Variants in MCC observed in about 807,000 individuals in gnomAD.
MCC encodes colorectal mutant cancer protein.
MCC carries 90 observed loss-of-function variants against 116.2 expected under a neutral mutation model. That is an observed-to-expected ratio of 0.77 (90% confidence interval 0.65 to 0.92). The LOEUF (loss-of-function observed/expected upper bound fraction) is 0.92. Ranked by LOEUF, MCC falls within the 40% of genes least tolerant of loss-of-function variation. The pLI is 0.00. For synonymous variants in MCC, 578 were observed against 510.5 expected, an observed-to-expected ratio of 1.13 and a Z score of -1.78; for missense variants, 1,516 against 1,312.2, an observed-to-expected ratio of 1.16 and a Z score of -2.40.
chr5:113,482,125 C>T (rs1165987199), intron 1 of MCC, among the ~76,000 whole-genome samples: 2 of 152,116 alleles, frequency 1.3e-5, no homozygotes, highest in Non-Finnish European at 2.9e-5. Context: ...AAAAATATTC[C>T]ACTACATGGA....
chr5:113,041,239 T>C (rs1442259178), intron 17 of MCC, among the ~76,000 whole-genome samples: 1 of 152,124 alleles, frequency 6.6e-6, no homozygotes, highest in Non-Finnish European at 1.5e-5. Context: ...TTGGAGGCCA[T>C]CCTATAAACA....
chr5:113,440,614 G>C (rs985009262), intron 1 of MCC, among the ~76,000 whole-genome samples: 2 of 152,058 alleles, frequency 1.3e-5, no homozygotes, highest in Admixed American at 6.6e-5. Flanking sequence ...GGAGGGAAAG[G>C]AGGAGAGAGA....
chr5:113,248,376 G>A (rs1000039762), intron 3 of MCC, among the ~76,000 whole-genome samples: 7 of 152,076 alleles, frequency 4.6e-5, no homozygotes, highest in African/African-American at 1.7e-4. Context: ...TTAGATCATG[G>A]GCATCAAAGC....
rs1015209950 is a variant in MCC, at chr5:113,022,303, G to A, written c.*4999C>T. 2.6e-5 allele frequency: 4 copies of A among 152,622 alleles called. No individual in the cohort carries two copies. Among genetic ancestry groups the A allele is most frequent in the African/African-American group, 7.2e-5 (3 of 41,450 alleles). 9.5% of individuals were successfully genotyped at this position (152,622 alleles called of 1,614,324 possible). A position where few individuals can be genotyped will look rare whatever the true frequency, so the allele number is the denominator to read the frequency against. On this transcript the variant is annotated 3_prime_UTR_variant, in exon 19 of 19. Transcript: ENST00000408903. ...AGAATCTAAAAAATTACAAGGTATA[G>A]TACAGTGTTAAGTAGCAATTTTAAA...
Position 113,404,862 on chromosome 5 carries a change from C to T in MCC, c.171-19650G>A, listed in dbSNP as rs540747442. ...GATCAGTGCGTGTCATACAATGATA[C>T]ATACAAAAGTAGTAGTAAAATATGT... On this transcript the variant is annotated intron_variant, in intron 1 of 18. Coordinates refer to ENST00000408903, the MANE Select transcript of MCC (RefSeq NM_001085377.2). Among the ~76,000 whole-genome samples, 3 of 151,870 alleles carry T rather than the reference C, an allele frequency of 2.0e-5. No homozygotes were observed. In the East Asian group the frequency reaches 5.8e-4, roughly 29 times the overall value.
chr5:113,049,375 G>C (rs1471185653), intron 15 of MCC, 76 bp from the exon 16 acceptor site: 67 of 1,315,016 alleles, frequency 5.1e-5, no homozygotes, highest in Non-Finnish European at 6.9e-5. Flanking sequence ...AAGTGGGTGG[G>C]TGGGGGGTCC....
chr5:113,434,323 T>G lies in MCC; in HGVS notation c.171-49111A>C. ...TACGCTGGTGACCCACAGAAGGTCTTGCTTAATGCCATTCGACCACTGTCA... is the reference window on the plus strand; with the variant it reads ...TACGCTGGTGACCCACAGAAGGTCTGGCTTAATGCCATTCGACCACTGTCA... On this transcript the variant is annotated intron_variant, in intron 1 of 18. Transcript: ENST00000408903. This position sits in a 1 kb window ranked among gnomAD's most constrained non-coding sequence, Gnocchi z 4.2. 2.5e-6 allele frequency: 4 copies of G among 1,613,898 alleles called. No individual in the cohort carries two copies. Among genetic ancestry groups the G allele is most frequent in the Non-Finnish European group, 3.4e-6 (4 of 1,179,834 alleles).
intron 3 of MCC, chr5:113,294,927 G>C (rs890412176): frequency 3.0e-6 from 3 of 985,404 alleles, no homozygotes; most frequent in African/African-American, 3.5e-5. Flanking sequence ...CCTTCGAATC[G>C]TCTGGAGTTG....
chr5:113,111,734 T>G (rs1222516872), intron 6 of MCC, among the ~76,000 whole-genome samples: 1 of 152,202 alleles, frequency 6.6e-6, no homozygotes, highest in Non-Finnish European at 1.5e-5. Flanking sequence ...AAAGTTGCAT[T>G]TTCCAGGAAC....
chr5:113,369,536 T>A (rs1361424520), intron 2 of MCC, among the ~76,000 whole-genome samples: 1 of 152,228 alleles, frequency 6.6e-6, no homozygotes, highest in East Asian at 1.9e-4. Context: ...GAGTGTTCTC[T>A]CTGCAGAGTC....
chr5:113,027,346 C>T lies in MCC; in HGVS notation c.3016G>A (p.Glu1006Lys), dbSNP rs1561727613. ...RMLKQRIALLEEENSRPHTNE... is the reference protein window; with the variant it reads ...RMLKQRIALLKEENSRPHTNE... ...GTGTGTGGCCTGGAGTTCTCCTCCT[C>T]TAGCAGAGCTATTCTTTGCTTGAGC... The change falls in exon 19 of 19, where the codon GAG becomes AAG. Residue 1006 changes from glutamate (E) to lysine (K), a missense_variant. Physicochemically the swap from Glu to Lys is moderately conservative, Grantham distance 56. Coordinates refer to ENST00000408903, the MANE Select transcript of MCC (RefSeq NM_001085377.2). 6.2e-7 allele frequency: 1 copy of T among 1,614,190 alleles called. No individual in the cohort carries two copies. The highest frequency in any genetic ancestry group is 8.5e-7 in the Non-Finnish European group (1 of 1,180,024).
At chr5:113,275,964 TG>T (rs1285422321) in intron 3 of MCC, among the ~76,000 whole-genome samples, 9 of 140,070 alleles carry the variant, frequency 6.4e-5, no homozygotes, top group African/African-American at 8.6e-5. Context: ...TGATTTCACT[TG>T]TTTTGTTTTT....
chr5:113,080,834 A>AAAAAAAG (rs1561790133), intron 11 of MCC, among the ~76,000 whole-genome samples: 13 of 148,990 alleles, frequency 8.7e-5, no homozygotes, highest in African/African-American at 3.0e-4. Flanking sequence ...AAAAGAAAAG[A>AAAAAAAG]AAAAAGAAAA....
chr5:113,279,626 A>G (rs942596165), intron 3 of MCC, among the ~76,000 whole-genome samples: 2 of 152,164 alleles, frequency 1.3e-5, no homozygotes, highest in African/African-American at 4.8e-5. Context: ...ATTATCCCCC[A>G]AGCCCCATCT....
Position 113,385,189 on chromosome 5 carries a change from C to T in MCC, c.194G>A (p.Arg65His), listed in dbSNP as rs767237776. 2.0e-5 allele frequency: 33 copies of T among 1,613,652 alleles called. No homozygotes were observed. Among genetic ancestry groups the T allele is most frequent in the African/African-American group, 4.0e-5 (3 of 74,780 alleles). ...CACAGACTCTTCCATATTCAGCTGGCGACAGACCATTAGCAAGTCATTTCT... is the reference window on the plus strand; with the variant it reads ...CACAGACTCTTCCATATTCAGCTGGTGACAGACCATTAGCAAGTCATTTCT... ...ISRNDLLMVC[R>H]QLNMEESVAE... is the part of the protein sequence containing the mutation. Residue 65 changes from arginine (R) to histidine (H), a missense_variant, in exon 2 of 19, where the codon CGC (arginine) becomes CAC (histidine). By Grantham distance (29) the Arg-to-His change is conservative. Coordinates refer to ENST00000408903, the MANE Select transcript of MCC (RefSeq NM_001085377.2).
chr5:113,115,109 C>T (rs148994480), intron 6 of MCC, among the ~76,000 whole-genome samples: 34 of 152,290 alleles, frequency 2.2e-4, no homozygotes, highest in Non-Finnish European at 4.6e-4. Flanking sequence ...CCCCCTGAGA[C>T]GCTACTGTGG....
chr5:113,288,088 G>A (rs1766331589), intron 3 of MCC, among the ~76,000 whole-genome samples: 1 of 152,182 alleles, frequency 6.6e-6, no homozygotes, highest in Non-Finnish European at 1.5e-5. Context: ...TACTGCACCT[G>A]ATCCACTGCA....
chr5:113,458,236 T>C (rs969227368), intron 1 of MCC, among the ~76,000 whole-genome samples: 15 of 152,296 alleles, frequency 9.8e-5, no homozygotes, highest in Admixed American at 7.2e-4. Context: ...ACTGCCTTTA[T>C]GAGCTGTAAC....
At chr5:113,391,342 T>C (rs145719348) in intron 1 of MCC, among the ~76,000 whole-genome samples, 227 of 152,184 alleles carry the variant, frequency 1.5e-3, no homozygotes, top group African/African-American at 5.1e-3. Context: ...GTGTGATGAA[T>C]TGTGAGAATG....
Sources: gnomAD v4.1 joint callset for allele counts (sites outside exome capture counted in the v4.1 genomes callset) on GRCh38, gnomAD v4.1.1 for gene constraint, Gnocchi (gnomAD v3.1) non-coding constraint, MANE v1.5 for transcripts, NCBI Gene and HGNC (gene_info 2026-07-23, HGNC 2026-07-21) for gene names.